ANKRD36C: variants seen among roughly 807,000 people sequenced by gnomAD.
ANKRD36C encodes the protein ankyrin repeat domain-containing protein 36C.
In ANKRD36C, 61 loss-of-function variants were observed where a neutral mutation model predicts 276.4. That is an observed-to-expected ratio of 0.22 (90% CI 0.18 to 0.27). The LOEUF is 0.27. Among genes scored for constraint, ANKRD36C ranks in the 10% least tolerant of loss-of-function variants. ANKRD36C has a pLI of 1.00. For missense variants in ANKRD36C, 1,447 were observed against 2,032.3 expected, an observed-to-expected ratio of 0.71 and a Z score of 5.54; for synonymous variants, 483 against 680.1, an observed-to-expected ratio of 0.71 and a Z score of 4.51.
chr2:95,853,768 T>C (rs1675344329), exon 64 of ANKRD36C: 1 of 1,602,818 alleles, frequency 6.2e-7, no homozygotes, highest in Non-Finnish European at 8.5e-7. Context: ...TCTAAATAGA[T>C]GCAGTGACGC....
At chr2:95,988,157 A>T (rs1476337350) in intron 1 of ANKRD36C, among the ~76,000 whole-genome samples, 3 of 151,846 alleles carry the variant, frequency 2.0e-5, no homozygotes, top group African/African-American at 7.2e-5. Context: ...AGGCAAAAAA[A>T]AAAAAAACAA....
rs185109622 is a variant in ANKRD36C, at chr2:95,980,582, T to C, written c.731+66A>G. 2,682 of 1,553,266 alleles carry C rather than the reference T, an allele frequency of 1.7e-3. 3 individuals carry two copies. The highest frequency in any genetic ancestry group is 2.2e-3 in the Non-Finnish European group (2,476 of 1,145,384). Reference sequence around the variant, plus strand: ...ATGCAATCTCACCTGATATATAAGATGCAATTGCTACAATTATTTTAAACT... The same window carrying C: ...ATGCAATCTCACCTGATATATAAGACGCAATTGCTACAATTATTTTAAACT... On this transcript the variant is annotated intron_variant, in intron 5 of 66. Coordinates refer to ENST00000456556, the Ensembl canonical transcript of ANKRD36C.
intron 24 of ANKRD36C, among the ~76,000 whole-genome samples, chr2:95,933,991 A>T (rs1441374971): frequency 6.6e-6 from 1 of 151,406 alleles, no homozygotes; most frequent in Non-Finnish European, 1.5e-5. Context: ...GCCAGTAAAC[A>T]TATGAAAAAA....
In ANKRD36C at chr2:95,964,011, ATATGTGTGTG is replaced by A. The variant is rs1330275311; in HGVS notation, c.800-1474_800-1465del. On this transcript the variant is annotated intron_variant, in intron 6 of 66. Coordinates refer to ENST00000456556, the Ensembl canonical transcript of ANKRD36C. ...TATATATATATATATATATATATATATATGTGTGTGTGTGTCATGATTGCCAAGAATATTG... is the reference window on the plus strand; with the variant it reads ...TATATATATATATATATATATATATATGTGTCATGATTGCCAAGAATATTG... 3.1e-3 allele frequency among the ~76,000 whole-genome samples: 56 copies of A among 17,980 alleles called. No homozygotes were observed. In the East Asian group the frequency reaches 0.043, roughly 14 times the overall value. 11.8% of individuals were successfully genotyped at this position (17,980 alleles called of 152,430 possible). A position where few individuals can be genotyped will look rare whatever the true frequency, so the allele number is the denominator to read the frequency against.
intron 28 of ANKRD36C, among the ~76,000 whole-genome samples, chr2:95,926,106 T>C (rs1004686679): frequency 2.0e-5 from 3 of 151,598 alleles, no homozygotes; most frequent in Admixed American, 6.6e-5. Flanking sequence ...TAATCCTGTA[T>C]ATAATATTCT....
chr2:95,861,378 A>C (rs2104271433), intron 60 of ANKRD36C, among the ~76,000 whole-genome samples: 1 of 152,144 alleles, frequency 6.6e-6, no homozygotes, highest in African/African-American at 2.4e-5. Flanking sequence ...AAAAAAGAAG[A>C]GACAGAAAAA....
At chr2:95,857,469 T>C (rs1238640830) in exon 62 of ANKRD36C, 9 of 1,566,208 alleles carry the variant, frequency 5.7e-6, no homozygotes, top group Non-Finnish European at 8.7e-7. Context: ...TCTTCTTTTC[T>C]TTTTTTCTTG....
At chr2:95,917,036 G>T (rs1019270494) in intron 36 of ANKRD36C, among the ~76,000 whole-genome samples, 1 of 151,540 alleles carries the variant, frequency 6.6e-6, no homozygotes, top group African/African-American at 2.4e-5. Flanking sequence ...GGGAGTATCA[G>T]GTTGTTCTCT....
In ANKRD36C at chr2:95,921,347, T is replaced by C. The variant is rs1288823326; in HGVS notation, c.2245+260A>G. On this transcript the variant is annotated intron_variant, in intron 34 of 66. Coordinates refer to ENST00000456556, the Ensembl canonical transcript of ANKRD36C. ...CTATGCTGTTCCCCAGAGCCCCTTA[T>C]GTCTTGAACCTCTCTCCATATTTCT... 3.3e-5 allele frequency among the ~76,000 whole-genome samples: 5 copies of C among 151,282 alleles called. No individual in the cohort carries two copies. The South Asian group carries it at 8.3e-4, about 25-fold the overall frequency.
intron 38 of ANKRD36C, among the ~76,000 whole-genome samples, chr2:95,915,220 G>A (rs777644666): frequency 7.9e-5 from 12 of 151,512 alleles, no homozygotes; most frequent in Non-Finnish European, 1.8e-4. Flanking sequence ...TATCCAAGAG[G>A]TAGCTCCTTG....
exon 52 of ANKRD36C, chr2:95,886,089 T>A: frequency 3.1e-6 from 5 of 1,611,096 alleles, no homozygotes; most frequent in Non-Finnish European, 3.4e-6. Context: ...TGTGGCTATA[T>A]TCGAAACAGA....
intron 28 of ANKRD36C, among the ~76,000 whole-genome samples, chr2:95,925,783 T>G (rs1677388991): frequency 6.6e-6 from 1 of 151,588 alleles, no homozygotes; most frequent in Non-Finnish European, 1.5e-5. Context: ...GTGTCATGTG[T>G]GTATTACTGA....
In ANKRD36C at chr2:95,910,320, A is replaced by C. The variant is rs1042433983; in HGVS notation, c.2653+1924T>G. On this transcript the variant is annotated intron_variant, in intron 42 of 66. Coordinates refer to ENST00000456556, the Ensembl canonical transcript of ANKRD36C. ...ACCCGCTGCTTTATTTGGAGAAGAG[A>C]ACTTCTTATCTATCTGGACAGAACA... The C allele has an allele frequency of 5.4e-6, 8 of 1,494,062 alleles. No homozygotes were observed. In the African/African-American group the frequency reaches 8.5e-5, roughly 16 times the overall value. The allele number at this position is 1,494,062 out of a possible 1,614,324, so 92.6% of individuals were successfully genotyped here.
chr2:95,986,813 C>T, exon 3 of ANKRD36C: 1 of 1,611,910 alleles, frequency 6.2e-7, no homozygotes. Context: ...GATGTATCTT[C>T]ATTATACACA....
chr2:95,875,361 T>A (rs536116027), intron 59 of ANKRD36C, among the ~76,000 whole-genome samples: 7,423 of 151,992 alleles, frequency 0.049, 259 homozygotes, highest in Non-Finnish European at 0.073. Flanking sequence ...TAAAAAATGA[T>A]GAGTTCATGT....
At chr2:95,867,456 A>G in exon 60 of ANKRD36C, 1 of 1,391,256 alleles carries the variant, frequency 7.2e-7, no homozygotes, top group East Asian at 2.5e-5. Context: ...ACTTCATTTC[A>G]TGTTGATCAA....
At chr2:95,971,931 C>T (rs555847550) in intron 6 of ANKRD36C, among the ~76,000 whole-genome samples, 6 of 152,254 alleles carry the variant, frequency 3.9e-5, no homozygotes, top group African/African-American at 1.4e-4. Flanking sequence ...ATTCCAAAAT[C>T]TAACAGCACA....
intron 59 of ANKRD36C, among the ~76,000 whole-genome samples, chr2:95,871,316 T>G (rs1013171984): frequency 1.3e-5 from 2 of 152,126 alleles, no homozygotes; most frequent in African/African-American, 4.8e-5. Context: ...ACAGTGGATC[T>G]CTCGGCAGAA....
chr2:95,946,232 G>A (rs200627202), intron 17 of ANKRD36C, among the ~76,000 whole-genome samples: 2 of 148,874 alleles, frequency 1.3e-5, no homozygotes, highest in South Asian at 2.1e-4. Flanking sequence ...TTCAGAATTC[G>A]AAAGAGTAAT....
Sources: gnomAD v4.1 joint callset for allele counts (sites outside exome capture counted in the v4.1 genomes callset) on GRCh38, gnomAD v4.1.1 for gene constraint, MANE v1.5 for transcripts, NCBI Gene and HGNC (gene_info 2026-07-23, HGNC 2026-07-21) for gene names.